Variants in MESD observed in about 807,000 individuals in gnomAD.
MESD encodes the protein mesoderm development LRP chaperone.
A neutral mutation model predicts 12.9 loss-of-function variants in MESD; 7 were observed. The ratio of observed to expected loss-of-function variants is 0.54; its 90% CI spans 0.31 to 1.02. MESD has a LOEUF of 1.02. MESD is among the 50% of genes least tolerant of loss of function. The pLI is 0.05. For missense variants in MESD, 342 were observed against 296.7 expected (o/e 1.15, Z -1.12); for synonymous variants, 126 against 115.6 (o/e 1.09, Z -0.58).
chr15:80,967,308 AAAAAG>A (rs1236304807), intron 3 of MESD, among the ~76,000 whole-genome samples: 1 of 152,160 alleles, frequency 6.6e-6, no homozygotes, highest in African/African-American at 2.4e-5. Flanking sequence ...AAGAAAAAGA[AAAAAG>A]AAAAGAAAAG....
At chr15:80,952,367 G>A in intron 3 of MESD, 1 of 319,610 alleles carries the variant, frequency 3.1e-6, no homozygotes, top group South Asian at 2.5e-5. Context: ...TGCCAGTCCA[G>A]GAGGGCAGCC....
intron 1 of MESD, 129 bp downstream of exon 1, chr15:80,989,449 AG>A: frequency 9.0e-7 from 1 of 1,113,924 alleles, no homozygotes; most frequent in Non-Finnish European, 1.3e-6. Flanking sequence ...TCAGTGGGTC[AG>A]TAAGGATTCA....
chr15:80,988,404 G>T (rs939231134), intron 1 of MESD, among the ~76,000 whole-genome samples: 1 of 152,142 alleles, frequency 6.6e-6, no homozygotes, highest in Non-Finnish European at 1.5e-5. Context: ...TCTAGCTCAG[G>T]GTCTGAGTAG....
intron 1 of MESD, among the ~76,000 whole-genome samples, chr15:80,986,643 T>C (rs1902741414): frequency 6.6e-6 from 1 of 152,228 alleles, no homozygotes; most frequent in Non-Finnish European, 1.5e-5. Flanking sequence ...AGTGTGTTTA[T>C]GCTGAAAACA....
chr15:80,973,991 ACT>A (rs1902349228), downstream of MESD, among the ~76,000 whole-genome samples: 1 of 150,120 alleles, frequency 6.7e-6, no homozygotes, highest in African/African-American at 2.5e-5. Flanking sequence ...TGAGGAAGGG[ACT>A]CTCTGCTATC....
Position 80,989,724 on chromosome 15 carries a change from A to G in MESD, c.68T>C (p.Leu23Pro), listed in dbSNP as rs769595927. 1.2e-6 allele frequency: 2 copies of G among 1,605,772 alleles called. No homozygotes were observed. Among genetic ancestry groups the G allele is most frequent in the South Asian group, 2.2e-5 (2 of 91,058 alleles). Residue 23 changes from leucine (L) to proline (P), a missense_variant, in exon 1 of 3, where the codon CTG (leucine) becomes CCG (proline). Physicochemically the swap from Leu to Pro is moderately conservative, Grantham distance 98. Coordinates refer to ENST00000261758, the MANE Select transcript of MESD (RefSeq NM_015154.3). ...GGACCCAGGCGGTGGTAGCAGTAGC[A>G]GCAGCAGCAGCAGGTCAGAGGCACA... ...LLCASDLLLLLLLLPPPGSCA... is the reference protein window; with the variant it reads ...LLCASDLLLLPLLLPPPGSCA...
downstream of MESD, among the ~76,000 whole-genome samples, chr15:80,972,126 T>G (rs1037311199): frequency 2.0e-5 from 3 of 152,074 alleles, no homozygotes; most frequent in African/African-American, 7.2e-5. Flanking sequence ...TCTCACTCCC[T>G]CACATAGATG....
chr15:80,951,450 T>G (rs1163272113), intron 4 of MESD: 1 of 152,652 alleles, frequency 6.6e-6, no homozygotes, highest in African/African-American at 2.4e-5. Context: ...GAGTTAGGTC[T>G]TTAAGGAAAG....
downstream of MESD, among the ~76,000 whole-genome samples, chr15:80,971,960 A>AG (rs1902297624): frequency 6.6e-6 from 1 of 152,114 alleles, no homozygotes; most frequent in East Asian, 1.9e-4. Flanking sequence ...AAAAAAAAAA[A>AG]AAAAGAAATC....
rs1451075636 is a variant in MESD at position 80,977,283 on chromosome 15, A to G, written c.*1936T>C. ...CCTCCCCCTACCCTGCCCCTTTCAT[A>G]CTTCTAACAGCTGCCATTTTACTTT... On this transcript the variant is annotated 3_prime_UTR_variant, in exon 3 of 3. Coordinates refer to ENST00000261758, the MANE Select transcript of MESD (RefSeq NM_015154.3). 6.6e-6 allele frequency: 1 copy of G among 151,866 alleles called. No homozygotes were observed. The highest frequency in any genetic ancestry group is 1.5e-5 in the Non-Finnish European group (1 of 68,012). 9.4% of individuals were successfully genotyped at this position (151,866 alleles called of 1,614,324 possible). A position where few individuals can be genotyped will look rare whatever the true frequency, so the allele number is the denominator to read the frequency against.
intron 3 of MESD, among the ~76,000 whole-genome samples, chr15:80,968,242 A>T (rs1902214184): frequency 6.6e-6 from 1 of 152,170 alleles, no homozygotes; most frequent in Non-Finnish European, 1.5e-5. Context: ...AAGGAAGCTG[A>T]CCCGCTCTGC....
chr15:80,972,158 G>A (rs1054799937), downstream of MESD, among the ~76,000 whole-genome samples: 1 of 152,186 alleles, frequency 6.6e-6, no homozygotes, highest in African/African-American at 2.4e-5. Context: ...ATCAGGAAAA[G>A]TTAGAGAGGA....
chr15:80,980,864 G>T (rs1432786203), intron 2 of MESD, among the ~76,000 whole-genome samples: 1 of 144,462 alleles, frequency 6.9e-6, no homozygotes, highest in South Asian at 2.2e-4. Flanking sequence ...TTGCTCTGCC[G>T]CCAGGCTGGA....
exon 4 of MESD, chr15:80,952,097 T>G: frequency 2.3e-6 from 1 of 444,278 alleles, no homozygotes. Context: ...AGGCTGTCAC[T>G]TCAACTCCCC....
At chr15:80,973,734 T>A, downstream of MESD, among the ~76,000 whole-genome samples, 1 of 152,004 alleles carries the variant, frequency 6.6e-6, no homozygotes, top group East Asian at 1.9e-4. Context: ...TTATTTAGAA[T>A]GCTCATCTTT....
chr15:80,960,389 A>AG (rs907540450), intron 3 of MESD, among the ~76,000 whole-genome samples: 2 of 146,398 alleles, frequency 1.4e-5, no homozygotes, highest in East Asian at 1.9e-4. Flanking sequence ...AAAAGCACGG[A>AG]GAAAAAAAAA....
At chr15:80,975,186 T>C (rs1209314525), downstream of MESD, among the ~76,000 whole-genome samples, 1 of 138,876 alleles carries the variant, frequency 7.2e-6, no homozygotes, top group Non-Finnish European at 1.5e-5. Context: ...CCAGGCAACA[T>C]GGTGAGACAC....
chr15:80,952,085 G>T lies in MESD; in HGVS notation c.*500C>A, dbSNP rs530100892. ...CGTCCTCCACATTTCTAAGCTGTCA[G>T]GAGGCTGTCACTTCAACTCCCCTCC... On this transcript the variant is annotated 3_prime_UTR_variant, in exon 4 of 5. Coordinates refer to the MESD transcript ENST00000561312. 3 of 437,324 alleles carry T rather than the reference G, an allele frequency of 6.9e-6. No individual in the cohort carries two copies. The East Asian group carries it at 2.1e-4, about 31-fold the overall frequency. 27.1% of individuals were successfully genotyped at this position (437,324 alleles called of 1,614,324 possible). A position where few individuals can be genotyped will look rare whatever the true frequency, so the allele number is the denominator to read the frequency against.
At chr15:80,955,505 A>G (rs1455066284) in intron 3 of MESD, among the ~76,000 whole-genome samples, 1 of 150,768 alleles carries the variant, frequency 6.6e-6, no homozygotes, top group African/African-American at 2.4e-5. Flanking sequence ...AAAAAAAAAA[A>G]GAAATGCCCA....
Sources: gnomAD v4.1 joint callset for allele counts (sites outside exome capture counted in the v4.1 genomes callset) on GRCh38, gnomAD v4.1.1 for gene constraint, MANE v1.5 for transcripts, NCBI Gene and HGNC (gene_info 2026-07-23, HGNC 2026-07-21) for gene names.